DCC: variants seen among roughly 807,000 people sequenced by gnomAD.
DCC encodes DCC netrin 1 receptor.
Under a neutral mutation model 172.5 loss-of-function variants are expected in DCC, and 58 were observed. The observed-to-expected ratio is 0.34, with a 90% CI of 0.27 to 0.42. The LOEUF is 0.42. DCC is among the 10% of genes least tolerant of loss of function. The pLI, the probability that DCC is intolerant of heterozygous loss-of-function variation, is 1.00. For missense variants in DCC, 1,740 were observed against 1,791.0 expected (o/e 0.97, Z 0.51); for synonymous variants, 709 against 644.5 (o/e 1.10, Z -1.52).
At chr18:52,994,375 C>T (rs1393676323) in intron 5 of DCC, among the ~76,000 whole-genome samples, 1 of 152,062 alleles carries the variant, frequency 6.6e-6, no homozygotes, top group Non-Finnish European at 1.5e-5. Flanking sequence ...ATTCCAATTA[C>T]TTGATTTCCT....
At chr18:52,624,971 G>T (rs796712792) in intron 1 of DCC, among the ~76,000 whole-genome samples, 8 of 152,238 alleles carry the variant, frequency 5.3e-5, no homozygotes, top group African/African-American at 1.9e-4. Flanking sequence ...ACATCATAGA[G>T]TGTCCTTTCA....
intron 7 of DCC, among the ~76,000 whole-genome samples, chr18:53,129,890 T>C (rs1418919729): frequency 2.0e-5 from 3 of 152,156 alleles, no homozygotes; most frequent in Non-Finnish European, 4.4e-5. Context: ...AAAAAACAGA[T>C]GTATAACTTT....
intron 1 of DCC, among the ~76,000 whole-genome samples, chr18:52,377,716 T>C (rs1985410745): frequency 6.7e-6 from 1 of 149,216 alleles, no homozygotes; most frequent in African/African-American, 2.5e-5. Flanking sequence ...TTTTTTTTTC[T>C]TGAGACAGAG....
chr18:53,147,722 A>C (rs2043936784), intron 7 of DCC, among the ~76,000 whole-genome samples: 1 of 152,132 alleles, frequency 6.6e-6, no homozygotes, highest in African/African-American at 2.4e-5. Flanking sequence ...TCATTCTGCA[A>C]CTCTGATTCT....
intron 1 of DCC, among the ~76,000 whole-genome samples, chr18:52,476,727 C>T (rs1989105119): frequency 6.6e-6 from 1 of 151,994 alleles, no homozygotes; most frequent in Admixed American, 6.5e-5. Flanking sequence ...GATAGGCTAA[C>T]TGCTACCAAA....
intron 2 of DCC, among the ~76,000 whole-genome samples, chr18:52,803,231 A>G (rs2038026580): frequency 6.6e-6 from 1 of 152,214 alleles, no homozygotes. Flanking sequence ...TATGAAAAAT[A>G]TACAAGAACT....
intron 12 of DCC, among the ~76,000 whole-genome samples, chr18:53,241,522 A>G (rs2056294464): frequency 6.6e-6 from 1 of 152,054 alleles, no homozygotes. Flanking sequence ...GGAGAGGTGG[A>G]GAGGAAAGAG....
intron 5 of DCC, among the ~76,000 whole-genome samples, chr18:53,046,581 A>C (rs2042241772): frequency 6.6e-6 from 1 of 151,954 alleles, no homozygotes; most frequent in South Asian, 2.1e-4. Flanking sequence ...AGAGATCAAC[A>C]TAACACTAAT....
intron 15 of DCC, among the ~76,000 whole-genome samples, chr18:53,346,557 T>C (rs749595824): frequency 1.3e-5 from 2 of 152,178 alleles, no homozygotes; most frequent in African/African-American, 2.4e-5. Flanking sequence ...TCATTACCTC[T>C]ATCTCATTGT....
At chr18:52,797,220 T>C (rs2037892952) in intron 2 of DCC, among the ~76,000 whole-genome samples, 1 of 152,226 alleles carries the variant, frequency 6.6e-6, no homozygotes, top group Admixed American at 6.5e-5. Context: ...ACTGAATTTC[T>C]CATCATAAAA....
chr18:53,336,466 A>G (rs1176942364), intron 14 of DCC, among the ~76,000 whole-genome samples: 1 of 152,184 alleles, frequency 6.6e-6, no homozygotes, highest in Non-Finnish European at 1.5e-5. Context: ...CGTAGTTATC[A>G]TGATGATGAG....
intron 1 of DCC, among the ~76,000 whole-genome samples, chr18:52,619,966 T>C (rs1448905653): frequency 6.6e-6 from 1 of 152,202 alleles, no homozygotes; most frequent in African/African-American, 2.4e-5. Context: ...GGAAAGATTC[T>C]AGAAACTTGA....
At chr18:52,987,314 C>A (rs567951363) in intron 5 of DCC, among the ~76,000 whole-genome samples, 9 of 152,198 alleles carry the variant, frequency 5.9e-5, no homozygotes, top group African/African-American at 1.9e-4. Context: ...AACAAACAAA[C>A]AAAAAACCCC....
intron 1 of DCC, among the ~76,000 whole-genome samples, chr18:52,591,555 T>C (rs1482424100): frequency 6.6e-6 from 1 of 151,998 alleles, no homozygotes; most frequent in Non-Finnish European, 1.5e-5. Flanking sequence ...GAAAATGCAA[T>C]GGCTTGGTCA....
At chr18:52,381,686 T>G (rs1273843993) in intron 1 of DCC, among the ~76,000 whole-genome samples, 7 of 152,096 alleles carry the variant, frequency 4.6e-5, no homozygotes, top group Admixed American at 4.6e-4. Context: ...GATCAATATT[T>G]GCAGATCCTC....
chr18:52,419,495 A>C (rs757477339), intron 1 of DCC: 3 of 152,204 alleles, frequency 2.0e-5, no homozygotes, highest in Non-Finnish European at 1.5e-5. Context: ...AATTGGCTAC[A>C]GTCATGTGTT....
chr18:52,657,127 C>G (rs892688879), intron 1 of DCC, among the ~76,000 whole-genome samples: 2 of 152,184 alleles, frequency 1.3e-5, no homozygotes, highest in Non-Finnish European at 2.9e-5. Flanking sequence ...AAGATTGAGT[C>G]TGTGCTGAGA....
At chr18:52,837,452 A>C (rs1244105869) in intron 2 of DCC, among the ~76,000 whole-genome samples, 1 of 152,142 alleles carries the variant, frequency 6.6e-6, no homozygotes, top group Non-Finnish European at 1.5e-5. Context: ...ATCTCTCTCA[A>C]GTTCAAAACT....
intron 26 of DCC, among the ~76,000 whole-genome samples, chr18:53,492,790 C>A (rs1489498099): frequency 6.6e-6 from 1 of 151,334 alleles, no homozygotes; most frequent in Non-Finnish European, 1.5e-5. Flanking sequence ...GGCTATGATT[C>A]TCTTGGCTAT....
Sources: gnomAD v4.1 joint callset for allele counts (sites outside exome capture counted in the v4.1 genomes callset) on GRCh38, gnomAD v4.1.1 for gene constraint, MANE v1.5 for transcripts, NCBI Gene and HGNC (gene_info 2026-07-23, HGNC 2026-07-21) for gene names.